NUP214: variants seen among roughly 807,000 people sequenced by gnomAD.
NUP214 encodes nuclear pore complex protein Nup214.
NUP214 carries 79 observed loss-of-function variants against 196.2 expected under a neutral mutation model. The observed-to-expected ratio is 0.40, with a 90% confidence interval of 0.34 to 0.49. The LOEUF is 0.49. Among genes scored for constraint, NUP214 ranks in the 20% least tolerant of loss-of-function variants. The pLI, the probability that NUP214 is intolerant of heterozygous loss-of-function variation, is 0.58. For synonymous variants in NUP214, 1,020 were observed against 990.5 expected, an observed-to-expected ratio of 1.03 and a Z score of -0.56; for missense variants, 2,468 against 2,539.0, an observed-to-expected ratio of 0.97 and a Z score of 0.60.
At chr9:131,165,590 A>G (rs1832764544) in intron 21 of NUP214, among the ~76,000 whole-genome samples, 1 of 152,230 alleles carries the variant, frequency 6.6e-6, no homozygotes, top group African/African-American at 2.4e-5. Flanking sequence ...TAAAAATGTG[A>G]TTACTGGATG....
At chr9:131,133,884 G>A (rs59558093) in intron 7 of NUP214, among the ~76,000 whole-genome samples, 10 of 152,152 alleles carry the variant, frequency 6.6e-5, no homozygotes, top group Non-Finnish European at 1.5e-4. Flanking sequence ...TTAAAGCTGA[G>A]TATATAGCAG....
At chr9:131,223,723 A>ATTTATTTATTTT (rs1554742606) in intron 32 of NUP214, among the ~76,000 whole-genome samples, 3 of 18,968 alleles carry the variant, frequency 1.6e-4, no homozygotes, top group African/African-American at 2.6e-4. Flanking sequence ...TTATTTATTT[A>ATTTATTTATTTT]TTTATTTTTT....
At chr9:131,126,735 A>G (rs1175894544) in intron 1 of NUP214, among the ~76,000 whole-genome samples, 1 of 151,996 alleles carries the variant, frequency 6.6e-6, no homozygotes, top group African/African-American at 2.4e-5. Context: ...CATTTGGTAG[A>G]GACTGGGTTT....
Position 131,128,491 on chromosome 9 carries a change from A to G in NUP214, c.393+8A>G. 1 of 1,599,414 alleles carries G rather than the reference A, an allele frequency of 6.3e-7. No individual in the cohort carries two copies. The highest frequency in any genetic ancestry group is 8.5e-7 in the Non-Finnish European group (1 of 1,171,028). On this transcript the variant is annotated splice_region_variant and intron_variant, in intron 3 of 35. Transcript: ENST00000359428. Reference sequence around the variant, plus strand: ...CGCACATTCTCAAATGAGGTAAGCTACTGTTATACTGTGATGTCAACATGA... The same window carrying G: ...CGCACATTCTCAAATGAGGTAAGCTGCTGTTATACTGTGATGTCAACATGA...
rs1833872835 is a variant in NUP214, at chr9:131,198,928, T to C, written c.5434T>C (p.Phe1812Leu). 2 of 1,614,034 alleles carry C rather than the reference T, an allele frequency of 1.2e-6. No individual in the cohort carries two copies. Among genetic ancestry groups the C allele is most frequent in the Non-Finnish European group, 1.7e-6 (2 of 1,180,030 alleles). Residue 1812 changes from phenylalanine to leucine, a missense_variant, in exon 29 of 36, where the codon TTT (phenylalanine) becomes CTT (leucine). Transcript: ENST00000359428. ...NAPAFGQSPG[F>L]GQGGSVFGGT... ...TCCTGCTTTTGGGCAGAGTCCTGGC[T>C]TTGGACAGGGAGGCTCTGTCTTTGG...
intron 5 of NUP214, among the ~76,000 whole-genome samples, chr9:131,132,204 A>G (rs1383038864): frequency 7.4e-6 from 1 of 135,384 alleles, no homozygotes; most frequent in Non-Finnish European, 1.5e-5. Flanking sequence ...ACCGCAACCT[A>G]TGCCTCCTGG....
At chr9:131,149,115 T>C (rs774538545) in intron 14 of NUP214, among the ~76,000 whole-genome samples, 1 of 151,328 alleles carries the variant, frequency 6.6e-6, no homozygotes, top group Non-Finnish European at 1.5e-5. Flanking sequence ...ATAAGCGTTA[T>C]GTCTTTTCCT....
intron 3 of NUP214, among the ~76,000 whole-genome samples, chr9:131,129,008 G>T (rs1357276321): frequency 6.6e-6 from 1 of 152,194 alleles, no homozygotes; most frequent in Non-Finnish European, 1.5e-5. Context: ...TTAATCTATT[G>T]TCTGCTATTT....
chr9:131,144,289 C>T lies in NUP214; in HGVS notation c.1304C>T (p.Pro435Leu). The T allele has an allele frequency of 6.2e-7, 1 of 1,612,968 alleles. No individual in the cohort carries two copies. The highest frequency in any genetic ancestry group is 2.2e-5 in the East Asian group (1 of 44,872). The change falls in exon 12 of 36, where the codon CCC (proline) becomes CTC (leucine). Residue 435 changes from proline to leucine, a missense_variant. Physicochemically the swap from Pro to Leu is moderately conservative, Grantham distance 98 (BLOSUM62 -3). Transcript: ENST00000359428. ...TTTTTTGTCACTGCAGGAAGTACTC[C>T]CACTACCCCAACCTCCTCTCAAGCC... is the stretch of plus-strand genomic sequence containing the variant. ...ERQPKSPGST[P>L]TTPTSSQAPQ...
intron 14 of NUP214, 113 bp downstream of exon 14, chr9:131,147,697 T>G: frequency 2.6e-6 from 2 of 781,500 alleles, no homozygotes; most frequent in Non-Finnish European, 4.3e-6. Context: ...ACATAGTAAT[T>G]GGGACTATGT....
At chr9:131,129,569 G>T in intron 4 of NUP214, 92 bp downstream of exon 4, 6 of 1,293,670 alleles carry the variant, frequency 4.6e-6, no homozygotes, top group Non-Finnish European at 4.4e-6. Context: ...AGCTTTTTGT[G>T]TTTTGGTTTT....
intron 4 of NUP214, 25 bp from the exon 5 acceptor site, chr9:131,130,741 A>G (rs905651249): frequency 3.1e-6 from 5 of 1,610,108 alleles, no homozygotes; most frequent in South Asian, 1.1e-5. Context: ...TCTTGTTTTC[A>G]TTTGGTAATA....
At chr9:131,229,579 C>T (rs1395878700) in intron 33 of NUP214, 9 of 407,684 alleles carry the variant, frequency 2.2e-5, no homozygotes, top group South Asian at 3.7e-5. Context: ...ACACAAATCC[C>T]GATTGGCTGG....
chr9:131,147,410 A>G, intron 13 of NUP214, 80 bp from the exon 14 acceptor site: 2 of 1,082,114 alleles, frequency 1.8e-6, no homozygotes, highest in South Asian at 2.8e-5. Flanking sequence ...AATTTCTTAG[A>G]TTTGGAGAAA....
chr9:131,174,360 G>T, intron 22 of NUP214, 42 bp downstream of exon 22: 1 of 1,526,724 alleles, frequency 6.5e-7, no homozygotes, highest in Non-Finnish European at 8.8e-7. Context: ...TCCCTATGAT[G>T]TTTCTAACTA....
intron 32 of NUP214, among the ~76,000 whole-genome samples, chr9:131,225,933 A>G (rs1475973835): frequency 6.6e-6 from 1 of 152,178 alleles, no homozygotes; most frequent in Admixed American, 6.5e-5. Context: ...TGGACTGAAG[A>G]TGGCCTTGCT....
intron 26 of NUP214, chr9:131,190,818 T>C: frequency 5.9e-6 from 1 of 170,014 alleles, no homozygotes; most frequent in Non-Finnish European, 1.2e-5. Flanking sequence ...ATATCCTATA[T>C]ATATTGATTT....
intron 32 of NUP214, among the ~76,000 whole-genome samples, chr9:131,225,633 G>A (rs1044243196): frequency 2.0e-5 from 3 of 152,186 alleles, no homozygotes; most frequent in Non-Finnish European, 4.4e-5. Context: ...TCCCCCTCAT[G>A]TTTCAGGACT....
chr9:131,230,727 A>T lies in NUP214; in HGVS notation c.6172A>T (p.Thr2058Ser), dbSNP rs775721066. Residue 2058 changes from threonine (T) to serine (S), a missense_variant, in exon 34 of 36, where the codon ACC becomes TCC. Physicochemically the swap from Thr to Ser is moderately conservative, Grantham distance 58. Around this residue, in one of 5 missense-constraint regions of NUP214, gnomAD observed 262 missense variants for 296.5 expected, o/e 0.88. Transcript: ENST00000359428. Reference protein sequence around the residue: ...SLSQQTSGFGTQSSGFSGFGS... With the variant: ...SLSQQTSGFGSQSSGFSGFGS... ...GTCCCAACAGACTTCTGGTTTTGGG[A>T]CCCAGAGTAGCGGATTCTCTGGTTT... The T allele has an allele frequency of 1.1e-5, 17 of 1,613,712 alleles. No individual in the cohort carries two copies. The highest frequency in any genetic ancestry group is 1.4e-5 in the Non-Finnish European group (17 of 1,179,962).
Sources: gnomAD v4.1 joint callset for allele counts (sites outside exome capture counted in the v4.1 genomes callset) on GRCh38, gnomAD v4.1.1 for gene constraint, gnomAD v4.1.1 regional missense constraint, MANE v1.5 for transcripts, NCBI Gene and HGNC (gene_info 2026-07-23, HGNC 2026-07-21) for gene names.